SCN3A: variants seen among roughly 807,000 people sequenced by gnomAD.
SCN3A encodes sodium channel protein type 3 subunit alpha.
SCN3A carries 60 observed loss-of-function variants against 187.6 expected under a neutral mutation model. That is an observed-to-expected ratio of 0.32 (90% confidence interval 0.26 to 0.40). The LOEUF (loss-of-function observed/expected upper bound fraction) is 0.40, where lower values mean the gene tolerates loss of function less well. Ranked by LOEUF, SCN3A falls within the 10% of genes least tolerant of loss-of-function variation. SCN3A has a pLI of 1.00. For missense variants in SCN3A, 1,601 were observed against 2,428.2 expected, an observed-to-expected ratio of 0.66 and a Z score of 7.16; for synonymous variants, 788 against 829.2, an observed-to-expected ratio of 0.95 and a Z score of 0.85.
chr2:165,091,531 C>T (rs1685106222), intron 27 of SCN3A, among the ~76,000 whole-genome samples, 186 bp from the exon 28 acceptor site: 2 of 152,140 alleles, frequency 1.3e-5, no homozygotes. Context: ...TCTGTAATGT[C>T]ATAAACCAAT....
intron 15 of SCN3A, among the ~76,000 whole-genome samples, chr2:165,137,290 A>C (rs1286790760): frequency 1.3e-5 from 2 of 152,164 alleles, no homozygotes; most frequent in Non-Finnish European, 2.9e-5. Context: ...CTTGATTAAT[A>C]ATATATGTAA....
chr2:165,140,545 C>T lies in SCN3A; in HGVS notation c.2019+106G>A. 1 of 931,900 alleles carries T rather than the reference C, an allele frequency of 1.1e-6. No homozygotes were observed. The highest frequency in any genetic ancestry group is 1.7e-6 in the Non-Finnish European group (1 of 576,812). The allele number at this position is 931,900 out of a possible 1,614,324, so 57.7% of individuals were successfully genotyped here. On this transcript the variant is annotated intron_variant, in intron 13 of 27. Transcript: ENST00000283254. This position sits in a 1 kb window ranked among gnomAD's most constrained non-coding sequence, Gnocchi z 4.2. Reference sequence around the variant, plus strand: ...ATTAATCATGTATTATTTTTACCAACTTTCATTTTGAGGAAGCAGGACGGT... The same window carrying T: ...ATTAATCATGTATTATTTTTACCAATTTTCATTTTGAGGAAGCAGGACGGT...
chr2:165,188,646 G>A (rs1317910955), intron 1 of SCN3A, among the ~76,000 whole-genome samples: 1 of 132,138 alleles, frequency 7.6e-6, no homozygotes, highest in Non-Finnish European at 1.6e-5. Context: ...AAATTAGCCA[G>A]GTGTGGTGGT....
At chr2:165,108,759 G>A (rs1041395532) in intron 21 of SCN3A, among the ~76,000 whole-genome samples, 2 of 152,108 alleles carry the variant, frequency 1.3e-5, no homozygotes, top group African/African-American at 2.4e-5. Flanking sequence ...TGTAGTTATA[G>A]GATGGTATAG....
intron 1 of SCN3A, among the ~76,000 whole-genome samples, chr2:165,188,804 C>CAAAAAAAAAA (rs763003775): frequency 1.4e-5 from 1 of 72,544 alleles, no homozygotes; most frequent in African/African-American, 4.4e-5. Flanking sequence ...CGCCCCACTT[C>CAAAAAAAAAA]AAAAAAAAAA....
intron 11 of SCN3A, among the ~76,000 whole-genome samples, chr2:165,147,283 T>TGG (rs138549123): frequency 7.7e-5 from 10 of 130,154 alleles, no homozygotes; most frequent in South Asian, 2.8e-4. Context: ...GTCTTTTTTT[T>TGG]GGGGGGGGGG....
At chr2:165,115,431 T>G (rs1574134472) in intron 19 of SCN3A, 24 bp downstream of exon 19, 1 of 1,613,718 alleles carries the variant, frequency 6.2e-7, no homozygotes, top group Non-Finnish European at 8.5e-7. Flanking sequence ...GAGATTGTAT[T>G]TAATCACATC....
At chr2:165,096,639 A>G (rs2105645469) in intron 23 of SCN3A, 119 bp from the exon 24 acceptor site, 4 of 612,486 alleles carry the variant, frequency 6.5e-6, no homozygotes, top group Non-Finnish European at 8.7e-6. Context: ...GTGAAATTTC[A>G]TATCAAGAGA....
intron 1 of SCN3A, among the ~76,000 whole-genome samples, chr2:165,193,825 T>C (rs967713919): frequency 6.6e-6 from 1 of 152,180 alleles, no homozygotes; most frequent in African/African-American, 2.4e-5. Flanking sequence ...GGGATTTGTC[T>C]AGCTCAGAGC....
At chr2:165,201,028 G>A (rs954821514) in intron 1 of SCN3A, among the ~76,000 whole-genome samples, 2 of 152,028 alleles carry the variant, frequency 1.3e-5, no homozygotes, top group African/African-American at 2.4e-5. Flanking sequence ...ATTACTTGGC[G>A]TTTAAATGTG....
chr2:165,099,674 A>G (rs997561653), intron 22 of SCN3A, among the ~76,000 whole-genome samples: 8 of 152,122 alleles, frequency 5.3e-5, no homozygotes, highest in Admixed American at 2.0e-4. Context: ...CTGAGATCGC[A>G]CCACTGCACT....
chr2:165,201,476 T>G (rs1574369741), intron 1 of SCN3A, among the ~76,000 whole-genome samples: 2 of 151,998 alleles, frequency 1.3e-5, no homozygotes, highest in Non-Finnish European at 2.9e-5. Context: ...TTGATGTGAG[T>G]TAGGATGGCA....
Position 165,163,693 on chromosome 2 carries a change from C to T in SCN3A, c.619G>A (p.Val207Met). 1 of 1,614,066 alleles carries T rather than the reference C, an allele frequency of 6.2e-7. No individual in the cohort carries two copies. Among genetic ancestry groups the T allele is most frequent in the Non-Finnish European group, 8.5e-7 (1 of 1,179,968 alleles). ...AACGCTGAGACATTGCCCAGGTCCA[C>T]AAACTCTGTCACATATCTGTAATAG... The part of the protein sequence containing the change: ...VIVMAYVTEF[V>M]DLGNVSALRT... The change falls in exon 7 of 28, where the codon GTG becomes ATG. Residue 207 changes from valine (V) to methionine (M), a missense_variant. This residue lies in a region of SCN3A where 122 missense variants were observed against 225.1 expected (regional missense o/e 0.54). Transcript: ENST00000283254.
chr2:165,148,005 T>C (rs1688455330), intron 11 of SCN3A, among the ~76,000 whole-genome samples: 1 of 152,134 alleles, frequency 6.6e-6, no homozygotes, highest in South Asian at 2.1e-4. Flanking sequence ...TCAGTTAAAC[T>C]TTTTACATAT....
At chr2:165,161,137 C>CTTTTTT (rs61608647) in intron 9 of SCN3A, among the ~76,000 whole-genome samples, 465 of 93,448 alleles carry the variant, frequency 5.0e-3, no homozygotes, top group Non-Finnish European at 6.8e-3. Context: ...TTCTTTCTTT[C>CTTTTTT]TTTTTTTTTT....
intron 11 of SCN3A, among the ~76,000 whole-genome samples, chr2:165,153,790 G>A (rs894987160): frequency 3.3e-5 from 5 of 151,848 alleles, no homozygotes; most frequent in South Asian, 2.1e-4. Context: ...ATATATTCGT[G>A]AGTCTTCACC....
intron 17 of SCN3A, among the ~76,000 whole-genome samples, chr2:165,128,529 A>G (rs1448123563): frequency 2.0e-5 from 3 of 152,230 alleles, no homozygotes; most frequent in Non-Finnish European, 4.4e-5. Context: ...CTTCGTGTAT[A>G]TAAAGAATGA....
intron 11 of SCN3A, among the ~76,000 whole-genome samples, chr2:165,153,762 A>G (rs1372421062): frequency 2.6e-5 from 4 of 152,116 alleles, no homozygotes; most frequent in African/African-American, 9.7e-5. Context: ...TCTAACTGGC[A>G]TGAATCAGAT....
chr2:165,131,718 A>T (rs1016113777), intron 15 of SCN3A, among the ~76,000 whole-genome samples: 6 of 150,286 alleles, frequency 4.0e-5, no homozygotes, highest in Non-Finnish European at 4.4e-5. Context: ...GTCATTTAGC[A>T]TTAGGTATAT....
Sources: gnomAD v4.1 joint callset for allele counts (sites outside exome capture counted in the v4.1 genomes callset) on GRCh38, gnomAD v4.1.1 for gene constraint, gnomAD v4.1.1 regional missense constraint, Gnocchi (gnomAD v3.1) non-coding constraint, MANE v1.5 for transcripts, NCBI Gene and HGNC (gene_info 2026-07-23, HGNC 2026-07-21) for gene names.